The following CUBN variants were observed in gnomAD, a reference collection of about 807,000 sequenced individuals.
CUBN encodes cubilin.
A neutral mutation model predicts 405.3 loss-of-function variants in CUBN; 282 were observed. That is an observed-to-expected ratio of 0.70 (90% CI 0.63 to 0.77). CUBN has a LOEUF of 0.77. CUBN is among the 30% of genes least tolerant of loss of function. The probability of loss-of-function intolerance (pLI) is 0.00; values close to 1 mark genes in which losing one functional copy is unlikely to be tolerated. For missense variants in CUBN, 4,514 were observed against 4,475.2 expected (o/e 1.01, Z -0.25); for synonymous variants, 1,684 against 1,617.0 (o/e 1.04, Z -0.99).
At chr10:16,986,756 G>A (rs993624940) in intron 29 of CUBN, among the ~76,000 whole-genome samples, 18 of 151,976 alleles carry the variant, frequency 1.2e-4, no homozygotes, top group East Asian at 3.9e-4. Flanking sequence ...CTACCCCCTC[G>A]CCTAGGGCAC....
At chr10:16,887,294 A>T (rs1840849615) in intron 56 of CUBN, among the ~76,000 whole-genome samples, 1 of 152,242 alleles carries the variant, frequency 6.6e-6, no homozygotes, top group Admixed American at 6.5e-5. Flanking sequence ...TATTTTCTTT[A>T]AGCAATTTAT....
At position 16,828,970 on chromosome 10, in the gene CUBN, G is replaced by A. The variant is rs777875894; in HGVS notation, c.10599C>T (p.Asn3533=). ...CAAGGACCCACTCGCAGTACGTGTT[G>A]TTTGGGTATGTGCCTGGATAGCCGG... is the stretch of plus-strand genomic sequence containing the variant. The part of the protein sequence containing the change: ...TSPGYPGTYP[N]NTYCEWVLVA... Residue 3533 remains asparagine (N), a synonymous_variant, in exon 66 of 67, where the codon AAC becomes AAT. Coordinates refer to ENST00000377833, the MANE Select transcript of CUBN (RefSeq NM_001081.4). The A allele has an allele frequency of 6.2e-7, 1 of 1,614,168 alleles. No homozygotes were observed. Among genetic ancestry groups the A allele is most frequent in the South Asian group, 1.1e-5 (1 of 91,080 alleles).
intron 26 of CUBN, 38 bp from the exon 27 acceptor site, chr10:17,041,258 T>G (rs1446307097): frequency 3.9e-6 from 6 of 1,539,790 alleles, no homozygotes; most frequent in Admixed American, 1.7e-5. Context: ...CACTATTATA[T>G]ACTTCATAAG....
chr10:16,861,355 G>A (rs574206298), intron 59 of CUBN, among the ~76,000 whole-genome samples: 1 of 152,096 alleles, frequency 6.6e-6, no homozygotes, highest in South Asian at 2.1e-4. Context: ...TAGAGATGGG[G>A]TTTCACCATG....
At chr10:16,920,262 C>G in intron 43 of CUBN, 125 bp from the exon 44 acceptor site, 4 of 1,008,424 alleles carry the variant, frequency 4.0e-6, no homozygotes, top group Admixed American at 2.0e-5. Flanking sequence ...CTGTTATGAT[C>G]CTCATTTTCT....
intron 59 of CUBN, among the ~76,000 whole-genome samples, chr10:16,862,831 A>G (rs888134205): frequency 4.6e-5 from 7 of 152,200 alleles, no homozygotes; most frequent in African/African-American, 1.4e-4. Flanking sequence ...ATTACACATA[A>G]TAAGTGCTTC....
At chr10:17,098,170 G>T (rs1433204176) in intron 14 of CUBN, among the ~76,000 whole-genome samples, 1 of 152,156 alleles carries the variant, frequency 6.6e-6, no homozygotes, top group East Asian at 1.9e-4. Context: ...CTCATTGAAA[G>T]CCAGCATCAA....
chr10:17,010,840 G>T (rs962080156), intron 28 of CUBN, among the ~76,000 whole-genome samples: 2 of 152,152 alleles, frequency 1.3e-5, no homozygotes, highest in African/African-American at 4.8e-5. Flanking sequence ...CATACACTCA[G>T]AGCCCAGTTT....
rs189314395 is a variant in CUBN, at chr10:16,913,853, C to T, written c.7491G>A (p.Leu2497=). 3.4e-5 allele frequency: 55 copies of T among 1,614,082 alleles called. No homozygotes were observed. In the Admixed American group the frequency reaches 7.3e-4, roughly 22 times the overall value. ...GRRITLMFNN[L]RLATHPSCNN... is the part of the protein sequence containing the mutation. The stretch of plus-strand genomic sequence containing the variant: ...TGCAGGACGGATGCGTGGCCAGCCT[C>T]AGGTTGTTAAACATTAGGGTGATCC... Residue 2497 remains leucine (L), a synonymous_variant, in exon 48 of 67, where the codon CTG becomes CTA. Transcript: ENST00000377833.
At chr10:16,886,821 T>G (rs1840832116) in intron 56 of CUBN, among the ~76,000 whole-genome samples, 1 of 152,190 alleles carries the variant, frequency 6.6e-6, no homozygotes, top group Admixed American at 6.5e-5. Context: ...AGAGTTTCGC[T>G]CTTGTCGCCC....
At chr10:17,027,746 C>T (rs1365153314) in intron 27 of CUBN, among the ~76,000 whole-genome samples, 2 of 152,112 alleles carry the variant, frequency 1.3e-5, no homozygotes, top group Non-Finnish European at 2.9e-5. Flanking sequence ...TTAAGTATCT[C>T]AAGGTTATAT....
At position 16,839,600 on chromosome 10, in the gene CUBN, G is replaced by A. The variant is rs9423953; in HGVS notation, c.10032+730C>T. 1.6e-4 allele frequency among the ~76,000 whole-genome samples: 15 copies of A among 93,294 alleles called. 3 individuals are homozygous for A. Among genetic ancestry groups the A allele is most frequent in the Admixed American group, 2.6e-4 (2 of 7,834 alleles). 61.2% of individuals were successfully genotyped at this position (93,294 alleles called of 152,430 possible). A position where few individuals can be genotyped will look rare whatever the true frequency, so the allele number is the denominator to read the frequency against. ...GGAGAGGATGTGGAGAAATAGGAAC[G>A]CTTTGACACTGTTGGTGGAACTGTA... On this transcript the variant is annotated intron_variant, in intron 62 of 66. Transcript: ENST00000377833.
chr10:16,904,056 A>G lies in CUBN; in HGVS notation c.7972T>C (p.Leu2658=), dbSNP rs1841488161. ...CATACCTGAGAATAAGGTATAACCAATGGCAATGTAGGCTTTGAAGGACCA... is the reference window on the plus strand; with the variant it reads ...CATACCTGAGAATAAGGTATAACCAGTGGCAATGTAGGCTTTGAAGGACCA... ...LCGPSKPTLP[L]VIPYSQVWIH... is the part of the protein sequence containing the mutation. Residue 2658 remains leucine (L), a synonymous_variant, in exon 51 of 67, where the codon TTG becomes CTG. Transcript: ENST00000377833. 1.2e-6 allele frequency: 2 copies of G among 1,613,298 alleles called. No individual in the cohort carries two copies. The highest frequency in any genetic ancestry group is 2.2e-5 in the East Asian group (1 of 44,868).
At chr10:17,076,314 T>C (rs1835853174) in intron 17 of CUBN, among the ~76,000 whole-genome samples, 1 of 152,162 alleles carries the variant, frequency 6.6e-6, no homozygotes, top group African/African-American at 2.4e-5. Flanking sequence ...TTATTAATTC[T>C]GAAAGCCTGT....
Position 16,925,287 on chromosome 10 carries a change from A to G in CUBN, c.6600T>C (p.Ser2200=), listed in dbSNP as rs1446635092. 6 of 1,613,636 alleles carry G rather than the reference A, an allele frequency of 3.7e-6. No individual in the cohort carries two copies. The highest frequency in any genetic ancestry group is 5.1e-6 in the Non-Finnish European group (6 of 1,179,720). Residue 2200 remains serine (S), a synonymous_variant, in exon 43 of 67, where the codon AGT becomes AGC. Transcript: ENST00000377833. ...QMFVQFISDH[S]NEGQGFKIKY... is the part of the protein sequence containing the mutation. ...TGATTTTAAATCCTTGCCCTTCATT[A>G]CTGTGATCAGAAATAAACTGAACAA... is the stretch of plus-strand genomic sequence containing the variant.
At chr10:16,980,417 A>G (rs1246631741) in intron 31 of CUBN, among the ~76,000 whole-genome samples, 1 of 152,216 alleles carries the variant, frequency 6.6e-6, no homozygotes, top group East Asian at 1.9e-4. Flanking sequence ...CACTATTCAC[A>G]ATGGCAAAGA....
intron 51 of CUBN, among the ~76,000 whole-genome samples, chr10:16,903,164 C>T (rs1289202482): frequency 1.3e-5 from 2 of 152,156 alleles, no homozygotes; most frequent in Admixed American, 6.5e-5. Context: ...TATAATTCAT[C>T]ACATTAACTT....
At chr10:16,867,993 G>A (rs1840236569) in intron 59 of CUBN, among the ~76,000 whole-genome samples, 1 of 152,136 alleles carries the variant, frequency 6.6e-6, no homozygotes, top group Non-Finnish European at 1.5e-5. Flanking sequence ...TGCAGACATA[G>A]GACATTTGGT....
At chr10:17,055,791 A>C (rs1039720512) in intron 22 of CUBN, among the ~76,000 whole-genome samples, 5 of 152,148 alleles carry the variant, frequency 3.3e-5, no homozygotes, top group African/African-American at 1.2e-4. Flanking sequence ...ATAAATGGAG[A>C]GGTAAAATAT....
Sources: allele counts gnomAD v4.1 joint callset (sites outside exome capture counted in the v4.1 genomes callset), GRCh38; gene constraint gnomAD v4.1.1; transcripts MANE v1.5; gene names NCBI Gene and HGNC (gene_info 2026-07-23, HGNC 2026-07-21).